Variants in DNM3 observed in about 807,000 individuals in gnomAD.
The protein encoded by DNM3 is dynamin 3.
A neutral mutation model predicts 101.6 loss-of-function variants in DNM3; 47 were observed. The ratio of observed to expected loss-of-function variants is 0.46; its 90% CI spans 0.37 to 0.59. The LOEUF is 0.59. Among genes scored for constraint, DNM3 ranks in the 20% least tolerant of loss-of-function variants. The pLI, the probability that DNM3 is intolerant of heterozygous loss-of-function variation, is 0.00. For synonymous variants in DNM3, 385 were observed against 387.9 expected, an observed-to-expected ratio of 0.99 and a Z score of 0.09; for missense variants, 849 against 1,085.7, an observed-to-expected ratio of 0.78 and a Z score of 3.06.
At chr1:172,037,838 C>T (rs986780088) in intron 6 of DNM3, among the ~76,000 whole-genome samples, 3 of 152,196 alleles carry the variant, frequency 2.0e-5, no homozygotes, top group Non-Finnish European at 4.4e-5. Flanking sequence ...AAATTAACAG[C>T]TGACAGGTGC....
intron 1 of DNM3, among the ~76,000 whole-genome samples, chr1:171,856,186 G>A (rs916258205): frequency 6.6e-6 from 1 of 152,106 alleles, no homozygotes; most frequent in African/African-American, 2.4e-5. Flanking sequence ...TAGGTGTGTG[G>A]CCTTATTTCT....
chr1:172,193,205 C>A (rs994957520), intron 14 of DNM3, among the ~76,000 whole-genome samples: 37 of 151,864 alleles, frequency 2.4e-4, no homozygotes, highest in African/African-American at 7.2e-4. Context: ...ATGTCCTTGG[C>A]CCCATCAAAA....
At chr1:172,374,180 A>C (rs2068488159) in intron 17 of DNM3, among the ~76,000 whole-genome samples, 1 of 152,082 alleles carries the variant, frequency 6.6e-6, no homozygotes, top group African/African-American at 2.4e-5. Flanking sequence ...TTTTGTTTTC[A>C]TCTTTCCTTT....
chr1:171,996,874 T>TA lies in DNM3; in HGVS notation c.589+7734dup, dbSNP rs1008894636. Among the ~76,000 whole-genome samples the TA allele has an allele frequency of 1.7e-4, 26 of 151,572 alleles. No individual in the cohort carries two copies. In the East Asian group the frequency reaches 5.1e-3, roughly 29 times the overall value. Reference sequence around the variant, plus strand: ...TGAAACCCCGTCTGTTCAAAAAATATAAAAAAAATTAGTGGGATGTGGTGG... The same window carrying TA: ...TGAAACCCCGTCTGTTCAAAAAATATAAAAAAAAATTAGTGGGATGTGGTGG... On this transcript the variant is annotated intron_variant, in intron 4 of 20. Transcript: ENST00000627582.
At chr1:172,376,273 T>C (rs1447120981) in intron 17 of DNM3, 1 of 152,082 alleles carries the variant, frequency 6.6e-6, no homozygotes, top group African/African-American at 2.4e-5. Flanking sequence ...AACAGCATCA[T>C]TGAACCTGCA....
chr1:171,854,124 C>T (rs1571256114), intron 1 of DNM3, among the ~76,000 whole-genome samples: 1 of 152,136 alleles, frequency 6.6e-6, no homozygotes, highest in East Asian at 1.9e-4. Context: ...TTAACAGAAA[C>T]TAGTGTAGAC....
chr1:172,090,748 T>A (rs1010131714), intron 12 of DNM3, among the ~76,000 whole-genome samples: 3 of 152,200 alleles, frequency 2.0e-5, no homozygotes, highest in African/African-American at 7.2e-5. Context: ...CTTAAATGTA[T>A]CAGAGGAGTT....
chr1:172,008,117 A>G (rs2046818645), intron 4 of DNM3, among the ~76,000 whole-genome samples: 1 of 144,772 alleles, frequency 6.9e-6, no homozygotes, highest in African/African-American at 2.8e-5. Context: ...ATCTTGTCAG[A>G]TGCACAGTTT....
chr1:172,167,501 T>C (rs1468558783), intron 14 of DNM3, among the ~76,000 whole-genome samples: 1 of 152,210 alleles, frequency 6.6e-6, no homozygotes, highest in Non-Finnish European at 1.5e-5. Context: ...CCACACTGTC[T>C]TCCACCATGG....
At chr1:172,252,105 G>A (rs1312509827) in intron 14 of DNM3, among the ~76,000 whole-genome samples, 1 of 152,014 alleles carries the variant, frequency 6.6e-6, no homozygotes, top group African/African-American at 2.4e-5. Context: ...GTTTATTGTT[G>A]AGCCTCTCTC....
chr1:172,414,433 T>G (rs1443066013), downstream of DNM3, among the ~76,000 whole-genome samples: 1 of 152,238 alleles, frequency 6.6e-6, no homozygotes, highest in Non-Finnish European at 1.5e-5. Context: ...GTTTCTTTAT[T>G]GAAAGACTTC....
chr1:172,361,378 G>A (rs966735978), intron 17 of DNM3, among the ~76,000 whole-genome samples: 10 of 152,008 alleles, frequency 6.6e-5, no homozygotes, highest in Admixed American at 2.0e-4. Flanking sequence ...TTTCTTTTAC[G>A]CTAAGTCAGA....
At chr1:171,901,202 T>C (rs1267052433) in intron 1 of DNM3, among the ~76,000 whole-genome samples, 1 of 151,722 alleles carries the variant, frequency 6.6e-6, no homozygotes, top group Non-Finnish European at 1.5e-5. Flanking sequence ...CTGCCGGAAT[T>C]GAGAAATCCA....
chr1:171,930,970 G>A (rs2040960688), intron 2 of DNM3, among the ~76,000 whole-genome samples: 1 of 152,144 alleles, frequency 6.6e-6, no homozygotes, highest in Non-Finnish European at 1.5e-5. Context: ...AGGGGGAGGT[G>A]TGGTGGCTCA....
intron 14 of DNM3, among the ~76,000 whole-genome samples, chr1:172,193,708 C>T (rs939409855): frequency 1.4e-4 from 21 of 152,018 alleles, no homozygotes; most frequent in Admixed American, 2.0e-4. Flanking sequence ...CTGGTGATAT[C>T]CCCTTTATCA....
At position 172,299,639 on chromosome 1, in the gene DNM3, G is replaced by A. The variant is rs558902846; in HGVS notation, c.1770-9089G>A. Among the ~76,000 whole-genome samples the A allele has an allele frequency of 8.5e-5, 13 of 152,098 alleles. No homozygotes were observed. In the South Asian group the frequency reaches 2.7e-3, roughly 32 times the overall value. On this transcript the variant is annotated intron_variant, in intron 15 of 20. Transcript: ENST00000627582. ...TATAAGTGAGAACATGCAGTATTTG[G>A]TTTTCTGTTTGTGCATTAATATTAT...
At chr1:172,133,414 G>T in intron 14 of DNM3, 1 of 986,400 alleles carries the variant, frequency 1.0e-6, no homozygotes, top group Non-Finnish European at 1.2e-6. Flanking sequence ...GAATACTCCC[G>T]CTCTGTGTGC....
Position 172,048,698 on chromosome 1 carries a change from T to C in DNM3, c.1283T>C (p.Val428Ala). ...VKLKGPSLKS[V>A]DLVIQELINT... ...TTGAAAGGGCCTTCCTTGAAGAGTG[T>C]GGATCTGGTAATACAAGAATTAATC... is the stretch of plus-strand genomic sequence containing the variant. The change falls in exon 10 of 21, where the codon GTG becomes GCG. Residue 428 changes from valine to alanine, a missense_variant. Val to Ala is a moderately conservative substitution (Grantham distance 64, BLOSUM62 0). Transcript: ENST00000627582. The C allele has an allele frequency of 1.2e-6, 2 of 1,613,632 alleles. No homozygotes were observed. The highest frequency in any genetic ancestry group is 1.7e-6 in the Non-Finnish European group (2 of 1,179,668).
chr1:172,039,113 T>G (rs1221296793), intron 7 of DNM3, among the ~76,000 whole-genome samples: 1 of 152,114 alleles, frequency 6.6e-6, no homozygotes, highest in Non-Finnish European at 1.5e-5. Context: ...AATTCCTAGC[T>G]CTTTATATCT....
Sources: gnomAD v4.1 joint callset for allele counts (sites outside exome capture counted in the v4.1 genomes callset) on GRCh38, gnomAD v4.1.1 for gene constraint, MANE v1.5 for transcripts, NCBI Gene and HGNC (gene_info 2026-07-23, HGNC 2026-07-21) for gene names.